The following PARD3B variants were observed in gnomAD, a reference collection of about 807,000 sequenced individuals.
PARD3B encodes the protein par-3 family cell polarity regulator beta, also known as partitioning defective 3 homolog B.
In PARD3B, 103 loss-of-function variants were observed where a neutral mutation model predicts 130.2. The ratio of observed to expected loss-of-function variants is 0.79; its 90% confidence interval spans 0.67 to 0.93. The LOEUF (loss-of-function observed/expected upper bound fraction) is 0.93. Ranked by LOEUF, PARD3B falls within the 40% of genes least tolerant of loss-of-function variation. The pLI, the probability that PARD3B is intolerant of heterozygous loss-of-function variation, is 0.00. For synonymous variants in PARD3B, 583 were observed against 553.2 expected, an observed-to-expected ratio of 1.05 and a Z score of -0.76; for missense variants, 1,609 against 1,499.2, an observed-to-expected ratio of 1.07 and a Z score of -1.21.
intron 2 of PARD3B, among the ~76,000 whole-genome samples, chr2:204,740,456 T>G (rs1402205359): frequency 6.6e-6 from 1 of 152,242 alleles, no homozygotes; most frequent in Non-Finnish European, 1.5e-5. Flanking sequence ...CGCAGTAGTA[T>G]AAAACAAAAA....
chr2:204,577,486 A>G (rs2032325276), intron 1 of PARD3B, among the ~76,000 whole-genome samples: 1 of 152,218 alleles, frequency 6.6e-6, no homozygotes, highest in South Asian at 2.1e-4. Flanking sequence ...TTGGAATAAA[A>G]TGGGGATTTG....
At chr2:204,818,253 G>A (rs1023142634) in intron 2 of PARD3B, among the ~76,000 whole-genome samples, 8 of 152,168 alleles carry the variant, frequency 5.3e-5, no homozygotes, top group African/African-American at 1.4e-4. Flanking sequence ...AGAGTCTTAT[G>A]TGTTGTTCAC....
chr2:205,179,428 C>T (rs182575738), intron 13 of PARD3B, among the ~76,000 whole-genome samples: 7 of 152,294 alleles, frequency 4.6e-5, no homozygotes, highest in African/African-American at 7.2e-5. Flanking sequence ...AGAGCAACTG[C>T]CAGTCCTGCA....
chr2:205,610,315 G>C (rs1452270119), intron 22 of PARD3B, among the ~76,000 whole-genome samples: 1 of 152,142 alleles, frequency 6.6e-6, no homozygotes, highest in Non-Finnish European at 1.5e-5. Flanking sequence ...TCACACCTGG[G>C]TTTGACATTG....
chr2:204,813,357 ATATT>A (rs1487218813), intron 2 of PARD3B, among the ~76,000 whole-genome samples: 1 of 151,956 alleles, frequency 6.6e-6, no homozygotes, highest in Admixed American at 6.6e-5. Flanking sequence ...AAAATTTTGC[ATATT>A]TATTTTATTG....
chr2:204,545,934 T>C lies in PARD3B; in HGVS notation c.-66T>C. 2.1e-6 allele frequency: 3 copies of C among 1,414,796 alleles called. No homozygotes were observed. Among genetic ancestry groups the C allele is most frequent in the Non-Finnish European group, 2.8e-6 (3 of 1,082,002 alleles). 87.6% of individuals were successfully genotyped at this position (1,414,796 alleles called of 1,614,324 possible). The stretch of plus-strand genomic sequence containing the variant: ...ACCCGCCCCGGGCGTCCTCCGAGAG[T>C]GGGGGCTGCGCCCGCGGGGTCAGAC... On this transcript the variant is annotated 5_prime_UTR_variant, in exon 1 of 23. Transcript: ENST00000406610.
intron 18 of PARD3B, among the ~76,000 whole-genome samples, chr2:205,356,188 G>A (rs1290431022): frequency 6.6e-6 from 1 of 152,092 alleles, no homozygotes; most frequent in African/African-American, 2.4e-5. Flanking sequence ...ATCGATAAAG[G>A]TTTATCAAAC....
chr2:204,576,204 G>C (rs1435539356), intron 1 of PARD3B, among the ~76,000 whole-genome samples: 1 of 152,136 alleles, frequency 6.6e-6, no homozygotes, highest in African/African-American at 2.4e-5. Context: ...AAGTTACACA[G>C]TAGCTTGAGG....
intron 1 of PARD3B, among the ~76,000 whole-genome samples, chr2:204,649,317 T>C (rs137944697): frequency 6.6e-5 from 10 of 151,860 alleles, no homozygotes; most frequent in African/African-American, 2.4e-4. Context: ...ATTTTTTATG[T>C]ATTTTGAGTA....
intron 2 of PARD3B, among the ~76,000 whole-genome samples, chr2:204,731,455 T>C (rs2039503498): frequency 6.6e-6 from 1 of 152,202 alleles, no homozygotes; most frequent in African/African-American, 2.4e-5. Context: ...TATGAATTAG[T>C]GATAGAAGGT....
intron 2 of PARD3B, among the ~76,000 whole-genome samples, chr2:204,771,592 G>A (rs2041385399): frequency 6.6e-6 from 1 of 152,010 alleles, no homozygotes; most frequent in Non-Finnish European, 1.5e-5. Context: ...TGGGTGATGG[G>A]ATCAATAGAA....
Position 204,677,320 on chromosome 2 carries a change from C to T in PARD3B, c.121-8861C>T, listed in dbSNP as rs185224308. On this transcript the variant is annotated intron_variant, in intron 1 of 22. Coordinates refer to ENST00000406610, the MANE Select transcript of PARD3B (RefSeq NM_001302769.2). The surrounding 1 kb of genome is among the most constrained non-coding windows in gnomAD (Gnocchi z 4.1). Reference sequence around the variant, plus strand: ...GCCTTATTCAGAGGACGTATGTTCACTTCCATTGTGGTGTCTCCCTAAGGG... The same window carrying T: ...GCCTTATTCAGAGGACGTATGTTCATTTCCATTGTGGTGTCTCCCTAAGGG... 2.8e-4 allele frequency among the ~76,000 whole-genome samples: 43 copies of T among 152,340 alleles called. No homozygotes were observed. The East Asian group carries it at 7.5e-3, about 27-fold the overall frequency.
intron 2 of PARD3B, among the ~76,000 whole-genome samples, chr2:204,707,938 A>G (rs964680719): frequency 5.3e-5 from 8 of 152,100 alleles, no homozygotes; most frequent in African/African-American, 1.9e-4. Context: ...AGACCCTGGC[A>G]TGGGAGTCTG....
rs907195039 is a variant in PARD3B at position 205,592,063 on chromosome 2, C to T, written c.3261-23393C>T. Reference sequence around the variant, plus strand: ...ACTGGGCTTTGTCAGTTACACAGTGCTTTTTCATACTTCCCTAATTTTATC... The same window carrying T: ...ACTGGGCTTTGTCAGTTACACAGTGTTTTTTCATACTTCCCTAATTTTATC... On this transcript the variant is annotated intron_variant, in intron 22 of 22. Transcript: ENST00000406610. This position sits in a 1 kb window ranked among gnomAD's most constrained non-coding sequence, Gnocchi z 4.5. Among the ~76,000 whole-genome samples the T allele has an allele frequency of 4.6e-5, 7 of 152,166 alleles. No homozygotes were observed. The South Asian group carries it at 1.0e-3, about 23-fold the overall frequency.
intron 1 of PARD3B, among the ~76,000 whole-genome samples, chr2:204,592,365 T>TG (rs2033113865): frequency 6.6e-6 from 1 of 152,212 alleles, no homozygotes; most frequent in Non-Finnish European, 1.5e-5. Context: ...ATTATTTTGG[T>TG]AACAAGAGGT....
intron 2 of PARD3B, among the ~76,000 whole-genome samples, chr2:204,832,022 A>G (rs937395621): frequency 5.3e-5 from 8 of 152,204 alleles, no homozygotes; most frequent in African/African-American, 1.9e-4. Flanking sequence ...GGAGATCGAG[A>G]GCATCCTGGC....
chr2:204,820,357 G>A (rs1017373023), intron 2 of PARD3B, among the ~76,000 whole-genome samples: 10 of 151,818 alleles, frequency 6.6e-5, no homozygotes, highest in Non-Finnish European at 1.5e-4. Context: ...GATTACAGGC[G>A]TGAGCCACCA....
At chr2:204,924,507 T>C (rs568189893) in intron 2 of PARD3B, among the ~76,000 whole-genome samples, 2 of 152,192 alleles carry the variant, frequency 1.3e-5, no homozygotes, top group East Asian at 3.9e-4. Flanking sequence ...TATATGAAGA[T>C]ATCAATTAGT....
At chr2:205,148,834 A>G (rs963284918) in intron 10 of PARD3B, among the ~76,000 whole-genome samples, 6 of 152,182 alleles carry the variant, frequency 3.9e-5, no homozygotes, top group African/African-American at 1.4e-4. Flanking sequence ...AACACAGACT[A>G]ATTACACATT....
Sources: gnomAD v4.1 joint callset for allele counts (sites outside exome capture counted in the v4.1 genomes callset) on GRCh38, gnomAD v4.1.1 for gene constraint, Gnocchi (gnomAD v3.1) non-coding constraint, MANE v1.5 for transcripts, NCBI Gene and HGNC (gene_info 2026-07-23, HGNC 2026-07-21) for gene names.